Variants in DGKK observed in about 807,000 individuals in gnomAD.
The protein encoded by DGKK is diacylglycerol kinase kappa, also known as 142 kDa diacylglycerol kinase.
Under a neutral mutation model 92.2 loss-of-function variants are expected in DGKK, and 35 were observed. That is an observed-to-expected ratio of 0.38 (90% confidence interval 0.29 to 0.50). The LOEUF (loss-of-function observed/expected upper bound fraction) is 0.50, where lower values mean the gene tolerates loss of function less well. Ranked by LOEUF, DGKK falls within the 20% of genes least tolerant of loss-of-function variation. The pLI is 0.92. For synonymous variants in DGKK, 368 were observed against 360.6 expected, an observed-to-expected ratio of 1.02 and a Z score of -0.23; for missense variants, 910 against 992.2, an observed-to-expected ratio of 0.92 and a Z score of 1.11.
At chrX:50,446,758 C>T (rs1557231914) in intron 1 of DGKK, among the ~76,000 whole-genome samples, 1 of 111,111 alleles carries the variant, frequency 9.0e-6, no homozygotes, top group African/African-American at 3.3e-5. Flanking sequence ...TCTTACTGTT[C>T]TGGCTCATGC....
At chrX:50,459,338 T>C (rs926850944) in intron 1 of DGKK, among the ~76,000 whole-genome samples, 1 of 111,008 alleles carries the variant, frequency 9.0e-6, no homozygotes, top group Non-Finnish European at 1.9e-5. Flanking sequence ...GAGTACAAAG[T>C]ACTTCCCACA....
At chrX:50,469,958 C>G (rs1029587527) in intron 1 of DGKK, 76 bp downstream of exon 1, 16 of 1,116,275 alleles carry the variant, frequency 1.4e-5, no homozygotes, top group African/African-American at 1.8e-5. Flanking sequence ...CAAGGGGTAC[C>G]CGGAGTCCCG....
chrX:50,392,469 A>G lies in DGKK; in HGVS notation c.1596-20T>C. On this transcript the variant is annotated intron_variant, in intron 9 of 27. Coordinates refer to ENST00000611977, the MANE Select transcript of DGKK (RefSeq NM_001013742.4). ...GACAGCCTGGAAGGACAAAGAGGAAAGGGGGTCATTTCATGAACAGCTGGG... is the reference window on the plus strand; with the variant it reads ...GACAGCCTGGAAGGACAAAGAGGAAGGGGGGTCATTTCATGAACAGCTGGG... The G allele has an allele frequency of 8.7e-7, 1 of 1,153,502 alleles. No individual in the cohort carries two copies. Among genetic ancestry groups the G allele is most frequent in the Middle Eastern group, 2.4e-4 (1 of 4,200 alleles).
intron 1 of DGKK, among the ~76,000 whole-genome samples, chrX:50,459,353 A>T (rs1288772618): frequency 9.0e-6 from 1 of 111,314 alleles, no homozygotes; most frequent in Admixed American, 9.6e-5. Flanking sequence ...CCCACACAAA[A>T]AAACAACCTT....
chrX:50,463,164 T>A (rs938485880), intron 1 of DGKK, among the ~76,000 whole-genome samples: 8 of 107,855 alleles, frequency 7.4e-5, no homozygotes, highest in Non-Finnish European at 1.3e-4. Flanking sequence ...TTTGATCCTT[T>A]AAAAAATAAT....
rs1926383779 is a variant in DGKK at position 50,447,404 on chromosome X, T to TA, written c.645+22629dup. Among the ~76,000 whole-genome samples the TA allele has an allele frequency of 1.1e-3, 19 of 16,990 alleles. 1 individual carries two copies. The African/African-American group carries it at 0.012, about 11-fold the overall frequency. 14.8% of individuals were successfully genotyped at this position (16,990 alleles called of 115,157 possible). On this transcript the variant is annotated intron_variant, in intron 1 of 27. Transcript: ENST00000611977. ...ATATAATATATATATATTATATATA[T>TA]ATATAATATATATATATATATATTA...
intron 1 of DGKK, among the ~76,000 whole-genome samples, chrX:50,431,591 G>A (rs2147140482): frequency 9.0e-6 from 1 of 111,701 alleles, no homozygotes; most frequent in Non-Finnish European, 1.9e-5. Flanking sequence ...CAACTGAGAA[G>A]GCCAGCTTTC....
In DGKK at chrX:50,391,530, C is replaced by T. The variant is rs782636042; in HGVS notation, c.1751G>A (p.Arg584His). Reference sequence around the variant, plus strand: ...CCAGAATGCACCCCAGCCCAGAACACGAGCCAGATCATTGCCGGTTCCAAG... The same window carrying T: ...CCAGAATGCACCCCAGCCCAGAACATGAGCCAGATCATTGCCGGTTCCAAG... ...IPLGTGNDLA[R>H]VLGWGAFWNK... is the part of the protein sequence containing the mutation. The change falls in exon 11 of 28, where the codon CGT becomes CAT. Residue 584 changes from arginine to histidine, a missense_variant. Coordinates refer to ENST00000611977, the MANE Select transcript of DGKK (RefSeq NM_001013742.4). 15 of 1,209,588 alleles carry T rather than the reference C, an allele frequency of 1.2e-5. No homozygotes were observed. Among genetic ancestry groups the T allele is most frequent in the East Asian group, 3.0e-5 (1 of 33,752 alleles).
chrX:50,404,111 T>C lies in DGKK; in HGVS notation c.1016A>G (p.Gln339Arg). Residue 339 changes from glutamine (Q) to arginine (R), a missense_variant, in exon 5 of 28, where the codon CAG becomes CGG. Gln to Arg is a conservative substitution (Grantham distance 43). Coordinates refer to ENST00000611977, the MANE Select transcript of DGKK (RefSeq NM_001013742.4). ...GCTCTCTCGACAAACATTGCAGTGC[T>C]GGGTCCGGTGGCTGTAACTGGAGTA... ...CWYSSYSHRT[Q>R]HCNVCRESIP... 3.3e-6 allele frequency: 4 copies of C among 1,211,094 alleles called. No individual in the cohort carries two copies. The highest frequency in any genetic ancestry group is 3.4e-6 in the Non-Finnish European group (3 of 895,208).
Position 50,432,120 on chromosome X carries a change from A to G in DGKK, c.646-7762T>C, listed in dbSNP as rs782112572. On this transcript the variant is annotated intron_variant, in intron 1 of 27. Coordinates refer to ENST00000611977, the MANE Select transcript of DGKK (RefSeq NM_001013742.4). The stretch of plus-strand genomic sequence containing the variant: ...TTTTCCCAGGAGTTTCAGCACTACA[A>G]TCAGGAGGGTCTTGGGCAAACTGAG... 6.3e-5 allele frequency among the ~76,000 whole-genome samples: 7 copies of G among 111,384 alleles called. No homozygotes were observed. In the South Asian group the frequency reaches 1.9e-3, roughly 31 times the overall value.
chrX:50,448,557 C>T (rs1926422547), intron 1 of DGKK, among the ~76,000 whole-genome samples: 1 of 111,307 alleles, frequency 9.0e-6, no homozygotes, highest in Admixed American at 9.6e-5. Context: ...TAAGTATACA[C>T]ACAGCCACAA....
rs1923978544 is a variant in DGKK, at chrX:50,366,477, C to CA, written c.*2462dup. 9.0e-6 allele frequency: 1 copy of CA among 111,625 alleles called. No individual in the cohort carries two copies. The highest frequency in any genetic ancestry group is 3.3e-5 in the African/African-American group (1 of 30,685). 9.2% of individuals were successfully genotyped at this position (111,625 alleles called of 1,213,427 possible). ...AGGACAGGGTAGGTGAAAGGGAATC[C>CA]ACATGGCACAACAGAGCAACAGCAG... On this transcript the variant is annotated 3_prime_UTR_variant, in exon 28 of 28. Coordinates refer to ENST00000611977, the MANE Select transcript of DGKK (RefSeq NM_001013742.4).
At chrX:50,400,961 T>C in intron 8 of DGKK, 76 bp downstream of exon 8, 1 of 934,221 alleles carries the variant, frequency 1.1e-6, no homozygotes, top group Non-Finnish European at 1.5e-6. Context: ...ATAATTTAAT[T>C]GCAGTGCTTC....
At chrX:50,458,802 T>A (rs112536058) in intron 1 of DGKK, among the ~76,000 whole-genome samples, 2,447 of 111,413 alleles carry the variant, frequency 0.022, 59 homozygotes, top group African/African-American at 0.074. Flanking sequence ...TCATCTACTT[T>A]ATTTTTTACA....
chrX:50,369,093 A>G, intron 27 of DGKK, 74 bp from the exon 28 acceptor site: 1 of 782,383 alleles, frequency 1.3e-6, no homozygotes, highest in Non-Finnish European at 1.9e-6. Context: ...GTGGACCCAA[A>G]AGAGAGCAAA....
intron 7 of DGKK, 84 bp downstream of exon 7, chrX:50,402,977 T>C: frequency 9.1e-7 from 1 of 1,104,622 alleles, no homozygotes; most frequent in Non-Finnish European, 1.2e-6. Flanking sequence ...TAGATTTCTA[T>C]CTATGTGTAT....
chrX:50,402,401 T>C (rs1330575566), intron 7 of DGKK, among the ~76,000 whole-genome samples: 1 of 111,475 alleles, frequency 9.0e-6, no homozygotes, highest in Non-Finnish European at 1.9e-5. Context: ...CTGGGCGGCA[T>C]AGTGAGACCC....
At chrX:50,398,258 T>C (rs1428529617) in intron 8 of DGKK, among the ~76,000 whole-genome samples, 1 of 111,618 alleles carries the variant, frequency 9.0e-6, no homozygotes, top group Admixed American at 9.5e-5. Context: ...GGACCTCACA[T>C]GGCTAAGATT....
At chrX:50,416,779 T>C (rs868991299) in intron 4 of DGKK, among the ~76,000 whole-genome samples, 1 of 111,408 alleles carries the variant, frequency 9.0e-6, no homozygotes, top group African/African-American at 3.3e-5. Context: ...CCACTAGCCA[T>C]GGACACACTA....
Sources: gnomAD v4.1 joint callset for allele counts (sites outside exome capture counted in the v4.1 genomes callset) on GRCh38, gnomAD v4.1.1 for gene constraint, MANE v1.5 for transcripts, NCBI Gene and HGNC (gene_info 2026-07-23, HGNC 2026-07-21) for gene names.